UPF2: variants seen among roughly 807,000 people sequenced by gnomAD.
UPF2 encodes the protein regulator of nonsense transcripts 2.
A neutral mutation model predicts 141.4 loss-of-function variants in UPF2; 17 were observed. The observed-to-expected ratio is 0.12, with a 90% CI of 0.08 to 0.18. The LOEUF (loss-of-function observed/expected upper bound fraction) is 0.18, where lower values mean the gene tolerates loss of function less well. Among genes scored for constraint, UPF2 ranks in the 10% least tolerant of loss-of-function variants. The probability of loss-of-function intolerance (pLI) is 1.00; values close to 1 mark genes in which losing one functional copy is unlikely to be tolerated. For synonymous variants in UPF2, 540 were observed against 498.0 expected, an observed-to-expected ratio of 1.08 and a Z score of -1.12; for missense variants, 1,152 against 1,515.9, an observed-to-expected ratio of 0.76 and a Z score of 3.99.
rs992607016 is a variant in UPF2 at position 12,010,423 on chromosome 10, T to C, written c.1306+3601A>G. ...TTGAACATGTCAGATACAAAGAAAA[T>C]ATGACAAGACATAGATATAAAAAAT... On this transcript the variant is annotated intron_variant, in intron 4 of 21. Transcript: ENST00000357604. 2.6e-5 allele frequency among the ~76,000 whole-genome samples: 4 copies of C among 151,998 alleles called. No individual in the cohort carries two copies. In the East Asian group the frequency reaches 7.7e-4, roughly 29 times the overall value.
At chr10:11,970,304 A>T (rs1373688888) in intron 9 of UPF2, among the ~76,000 whole-genome samples, 1 of 152,234 alleles carries the variant, frequency 6.6e-6, no homozygotes, top group African/African-American at 2.4e-5. Flanking sequence ...ATAACAGAAA[A>T]TTATACATAA....
intron 17 of UPF2, 96 bp downstream of exon 17, chr10:11,942,968 A>G: frequency 1.1e-6 from 1 of 945,906 alleles, no homozygotes; most frequent in South Asian, 1.6e-5. Context: ...AATATTTTTC[A>G]TAATCAAAAG....
Position 11,929,804 on chromosome 10 carries a change from A to G in UPF2, c.3809+61T>C, listed in dbSNP as rs1292101938. 2.5e-6 allele frequency: 4 copies of G among 1,569,440 alleles called. No individual in the cohort carries two copies. In the African/African-American group the frequency reaches 5.5e-5, roughly 21 times the overall value. ...CAAAAACTATAATCCAGAATTCCCT[A>G]ATTTATTCTTATGGACATCATGGAA... On this transcript the variant is annotated intron_variant, in intron 21 of 21. Transcript: ENST00000357604.
chr10:12,017,915 T>A (rs1254256547), intron 3 of UPF2, among the ~76,000 whole-genome samples: 1 of 152,180 alleles, frequency 6.6e-6, no homozygotes, highest in Non-Finnish European at 1.5e-5. Context: ...CCAGATTTTT[T>A]CTTTTGTTTT....
intron 1 of UPF2, chr10:12,035,858 G>A (rs774798617): frequency 6.5e-6 from 1 of 153,330 alleles, no homozygotes; most frequent in Non-Finnish European, 1.5e-5. Flanking sequence ...AAAGATGGCA[G>A]TTCACTATTT....
At chr10:12,024,798 T>C (rs1237461768) in intron 3 of UPF2, among the ~76,000 whole-genome samples, 9 of 151,290 alleles carry the variant, frequency 5.9e-5, no homozygotes, top group Non-Finnish European at 1.5e-5. Context: ...CCAGGCATGG[T>C]AGCACGTGCC....
At position 11,956,023 on chromosome 10, in the gene UPF2, A is replaced by G. The variant is rs1175355117; in HGVS notation, c.2574+297T>C. Among the ~76,000 whole-genome samples the G allele has an allele frequency of 6.6e-6, 1 of 151,978 alleles. No homozygotes were observed. The highest frequency in any genetic ancestry group is 2.4e-5 in the African/African-American group (1 of 41,394). ...GCTAGGCGTGGTGGCATGCACCTGT[A>G]GTAGTCCCAGCTACTCGGGAAGTTG... On this transcript the variant is annotated intron_variant, in intron 13 of 21. Coordinates refer to ENST00000357604, the MANE Select transcript of UPF2 (RefSeq NM_015542.4). This position sits in a 1 kb window ranked among gnomAD's most constrained non-coding sequence, Gnocchi z 4.2.
chr10:12,014,366 G>A lies in UPF2; in HGVS notation c.1146-182C>T, dbSNP rs938522621. ...CTGAAATGTATAATGAAATTCACCT[G>A]AACATTTAAATTTTAACACTGGTTC... is the stretch of plus-strand genomic sequence containing the variant. On this transcript the variant is annotated intron_variant, in intron 3 of 21. Coordinates refer to ENST00000357604, the MANE Select transcript of UPF2 (RefSeq NM_015542.4). The surrounding 1 kb of genome is among the most constrained non-coding windows in gnomAD (Gnocchi z 5.0). Among the ~76,000 whole-genome samples the A allele has an allele frequency of 2.6e-5, 4 of 152,062 alleles. No homozygotes were observed. The highest frequency in any genetic ancestry group is 2.0e-4 in the Admixed American group (3 of 15,244).
At chr10:11,975,683 GT>G (rs1376568231) in intron 9 of UPF2, among the ~76,000 whole-genome samples, 157 of 137,568 alleles carry the variant, frequency 1.1e-3, no homozygotes, top group Admixed American at 1.1e-3. Context: ...TAATTTTGTT[GT>G]TTTTTTTTTT....
At chr10:11,964,331 G>A (rs1176537820) in intron 10 of UPF2, among the ~76,000 whole-genome samples, 1 of 152,158 alleles carries the variant, frequency 6.6e-6, no homozygotes, top group Non-Finnish European at 1.5e-5. Context: ...TTCACAGAAA[G>A]ATATGTGGAA....
chr10:12,010,923 G>A (rs1262390420), intron 4 of UPF2, among the ~76,000 whole-genome samples: 1 of 151,848 alleles, frequency 6.6e-6, no homozygotes, highest in Non-Finnish European at 1.5e-5. Context: ...AGACAGAGGA[G>A]TAACATCTTT....
At position 11,931,306 on chromosome 10, in the gene UPF2, T is replaced by C. The variant is rs1259088494; in HGVS notation, c.3688+335A>G. Among the ~76,000 whole-genome samples, 2 of 152,322 alleles carry C rather than the reference T, an allele frequency of 1.3e-5. No homozygotes were observed. Among genetic ancestry groups the C allele is most frequent in the East Asian group, 3.9e-4 (2 of 5,190 alleles). On this transcript the variant is annotated intron_variant, in intron 20 of 21. Transcript: ENST00000357604. The surrounding 1 kb of genome is among the most constrained non-coding windows in gnomAD (Gnocchi z 5.9). ...AATGATGAAATTGCCTAATGTCACA[T>C]TTTTTAGAATGCATCCCTGTCATTA...
At chr10:11,986,219 C>T (rs11257464) in intron 8 of UPF2, among the ~76,000 whole-genome samples, 8,518 of 152,122 alleles carry the variant, frequency 0.056, 289 homozygotes, top group Non-Finnish European at 0.08. Context: ...TCTATAATCT[C>T]ATAAGATGGC....
At position 11,936,883 on chromosome 10, in the gene UPF2, T is replaced by C. The variant is rs1224663576; in HGVS notation, c.3379-171A>G. On this transcript the variant is annotated intron_variant, in intron 18 of 21. Transcript: ENST00000357604. This position sits in a 1 kb window ranked among gnomAD's most constrained non-coding sequence, Gnocchi z 6.6. Reference sequence around the variant, plus strand: ...ATACTCTTTCTGAAACGTGGATAAATCTAGGGAGTATTTCTCCCTCCACCT... The same window carrying C: ...ATACTCTTTCTGAAACGTGGATAAACCTAGGGAGTATTTCTCCCTCCACCT... Among the ~76,000 whole-genome samples the C allele has an allele frequency of 6.6e-6, 1 of 152,202 alleles. No homozygotes were observed. Among genetic ancestry groups the C allele is most frequent in the Admixed American group, 6.5e-5 (1 of 15,288 alleles).
chr10:11,956,124 G>A lies in UPF2; in HGVS notation c.2574+196C>T, dbSNP rs1395997374. Among the ~76,000 whole-genome samples the A allele has an allele frequency of 2.0e-5, 3 of 150,572 alleles. No individual in the cohort carries two copies. The highest frequency in any genetic ancestry group is 2.1e-4 in the South Asian group (1 of 4,754). The stretch of plus-strand genomic sequence containing the variant: ...ATCGTGCCAGTGCACTCCAGCCTGG[G>A]TGACACAGCGAGACTCAGTCTCAAA... On this transcript the variant is annotated intron_variant, in intron 13 of 21. Coordinates refer to ENST00000357604, the MANE Select transcript of UPF2 (RefSeq NM_015542.4). The surrounding 1 kb of genome is among the most constrained non-coding windows in gnomAD (Gnocchi z 4.2).
At chr10:11,957,260 C>T (rs1166787189) in intron 12 of UPF2, among the ~76,000 whole-genome samples, 1 of 151,880 alleles carries the variant, frequency 6.6e-6, no homozygotes, top group African/African-American at 2.4e-5. Context: ...AAAACCCCAT[C>T]TCTACTGAAA....
chr10:12,029,178 G>C lies in UPF2; in HGVS notation c.712C>G (p.Pro238Ala), dbSNP rs763532656. ...LFHQRYADFA[P>A]SLLQVWKKHF... ...TTTTTCCAGACCTGAAGAAGTGATG[G>C]GGCAAAGTCAGCATAACGCTGGTGA... The change falls in exon 3 of 22, where the codon CCA (proline) becomes GCA (alanine). Residue 238 changes from proline (P) to alanine (A), a missense_variant. Around this residue, in one of 4 missense-constraint regions of UPF2, gnomAD observed 739 missense variants for 1,032.2 expected, o/e 0.72. Coordinates refer to ENST00000357604, the MANE Select transcript of UPF2 (RefSeq NM_015542.4). The C allele has an allele frequency of 5.6e-6, 9 of 1,614,182 alleles. No homozygotes were observed. The highest frequency in any genetic ancestry group is 6.8e-6 in the Non-Finnish European group (8 of 1,180,040).
In UPF2 at chr10:11,955,191, T is replaced by C. The variant is rs1833129710; in HGVS notation, c.2850+41A>G. 2.0e-6 allele frequency: 3 copies of C among 1,506,834 alleles called. No homozygotes were observed. In the East Asian group the frequency reaches 6.9e-5, roughly 35 times the overall value. The allele number at this position is 1,506,834 out of a possible 1,614,324, so 93.3% of individuals were successfully genotyped here. A position where few individuals can be genotyped will look rare whatever the true frequency, so the allele number is the denominator to read the frequency against. Reference sequence around the variant, plus strand: ...TAGTATTCTTTTAAAACACATGCAATATGTTAAATGATGCCAAACTGAATA... The same window carrying C: ...TAGTATTCTTTTAAAACACATGCAACATGTTAAATGATGCCAAACTGAATA... On this transcript the variant is annotated intron_variant, in intron 14 of 21. Transcript: ENST00000357604.
At chr10:11,984,718 T>TAA (rs34157281) in intron 8 of UPF2, among the ~76,000 whole-genome samples, 13 of 130,522 alleles carry the variant, frequency 1.0e-4, no homozygotes, top group South Asian at 7.4e-4. Context: ...CTTTGCTCTT[T>TAA]AAAAAAAAAA....
Sources: gnomAD v4.1 joint callset for allele counts (sites outside exome capture counted in the v4.1 genomes callset) on GRCh38, gnomAD v4.1.1 for gene constraint, gnomAD v4.1.1 regional missense constraint, Gnocchi (gnomAD v3.1) non-coding constraint, MANE v1.5 for transcripts, NCBI Gene and HGNC (gene_info 2026-07-23, HGNC 2026-07-21) for gene names.